Variants in CNN1 observed in about 807,000 individuals in gnomAD.
CNN1 encodes calponin-1.
A neutral mutation model predicts 35.3 loss-of-function variants in CNN1; 21 were observed. The observed-to-expected ratio is 0.60, with a 90% CI of 0.42 to 0.86. CNN1 has a LOEUF of 0.86. Among genes scored for constraint, CNN1 ranks in the 40% least tolerant of loss-of-function variants. CNN1 has a pLI of 0.00. For synonymous variants in CNN1, 164 were observed against 161.8 expected (o/e 1.01, Z -0.10); for missense variants, 314 against 400.8 (o/e 0.78, Z 1.85).
intron 1 of CNN1, chr19:11,539,886 C>CCAGAGCCGCG (rs1422754695): frequency 2.0e-5 from 23 of 1,162,588 alleles, no homozygotes; most frequent in East Asian, 8.2e-5. Context: ...AGCGCCGGCC[C>CCAGAGCCGCG]CAGAGCCGCG....
chr19:11,543,017 GA>G (rs1211755402), intron 2 of CNN1, among the ~76,000 whole-genome samples: 1 of 152,190 alleles, frequency 6.6e-6, no homozygotes, highest in Non-Finnish European at 1.5e-5. Flanking sequence ...ATGCTGGGAA[GA>G]AGGGGTGTGG....
chr19:11,543,953 C>T (rs561189659), intron 2 of CNN1, among the ~76,000 whole-genome samples: 8 of 151,380 alleles, frequency 5.3e-5, no homozygotes, highest in African/African-American at 9.7e-5. Flanking sequence ...CCACGCACTC[C>T]GGTCATTCAC....
In CNN1 at chr19:11,549,516, C is replaced by T. The variant is rs1972668590; in HGVS notation, c.649-34C>T. ...ACGCCGTCAAGGCCCAGGACCCTGG[C>T]CACCCCACGGCCTGACCACACCACC... On this transcript the variant is annotated intron_variant, in intron 6 of 6. Coordinates refer to ENST00000252456, the MANE Select transcript of CNN1 (RefSeq NM_001299.6). This position sits in a 1 kb window ranked among gnomAD's most constrained non-coding sequence, Gnocchi z 5.2. 1.2e-6 allele frequency: 2 copies of T among 1,606,190 alleles called. No individual in the cohort carries two copies. Among genetic ancestry groups the T allele is most frequent in the East Asian group, 4.5e-5 (2 of 44,690 alleles).
At chr19:11,543,950 C>T (rs572300235) in intron 2 of CNN1, among the ~76,000 whole-genome samples, 3 of 151,718 alleles carry the variant, frequency 2.0e-5, no homozygotes, top group South Asian at 2.1e-4. Flanking sequence ...CACCCACGCA[C>T]TCCGGTCATT....
In CNN1 at chr19:11,547,939, T is replaced by C. The variant is rs370643038; in HGVS notation, c.501+32T>C. ...CCCTGTCCTCACTGCGCAGAGGTCA[T>C]AGAGGCCAGGAGGGCACCCTGATGT... On this transcript the variant is annotated intron_variant, in intron 5 of 6. Transcript: ENST00000252456. The C allele has an allele frequency of 5.7e-6, 9 of 1,582,094 alleles. No individual in the cohort carries two copies. The Admixed American group carries it at 1.0e-4, about 18-fold the overall frequency.
rs755937649 is a variant in CNN1 at position 11,549,662 on chromosome 19, C to T, written c.761C>T (p.Ser254Leu). 3.1e-6 allele frequency: 5 copies of T among 1,613,746 alleles called. No individual in the cohort carries two copies. Among genetic ancestry groups the T allele is most frequent in the Admixed American group, 1.7e-5 (1 of 59,976 alleles). The change falls in exon 7 of 7, where the codon TCG (serine) becomes TTG (leucine). Residue 254 changes from serine to leucine, a missense_variant. Transcript: ENST00000252456. This position sits in a 1 kb window ranked among gnomAD's most constrained non-coding sequence, Gnocchi z 5.2. Reference sequence around the variant, plus strand: ...CAGATGGGCAGCAACAAGGGCGCCTCGCAGCGGGGCATGACGGTGTATGGG... The same window carrying T: ...CAGATGGGCAGCAACAAGGGCGCCTTGCAGCGGGGCATGACGGTGTATGGG... ...SLQMGSNKGA[S>L]QRGMTVYGLP... is the part of the protein sequence containing the mutation.
chr19:11,543,914 G>T (rs1193470471), intron 2 of CNN1, among the ~76,000 whole-genome samples: 1 of 142,014 alleles, frequency 7.0e-6, no homozygotes. Flanking sequence ...TAAAGTATAA[G>T]AAAAAAAAAA....
At chr19:11,539,650 C>A in intron 1 of CNN1, 1 of 698,638 alleles carries the variant, frequency 1.4e-6, no homozygotes, top group South Asian at 1.4e-5. Context: ...TTTAAGTTTC[C>A]AGCCCACTGG....
chr19:11,543,305 G>A (rs1196096693), intron 2 of CNN1, among the ~76,000 whole-genome samples: 4 of 149,872 alleles, frequency 2.7e-5, no homozygotes, highest in Admixed American at 1.3e-4. Flanking sequence ...AGCTATGATC[G>A]CGCCACTGCA....
Position 11,541,148 on chromosome 19 carries a change from A to G in CNN1, c.136A>G (p.Ile46Val), listed in dbSNP as rs762457668. The change falls in exon 2 of 7, where the codon ATC becomes GTC. Residue 46 changes from isoleucine (I) to valine (V), a missense_variant. Ile to Val is a conservative substitution (Grantham distance 29). Transcript: ENST00000252456. ...GATCGAGGGGGTGACAGGCCGTCGC[A>G]TCGGCAACAACTTCATGGACGGCCT... ...EWIEGVTGRR[I>V]GNNFMDGLKD... is the part of the protein sequence containing the mutation. 5.6e-6 allele frequency: 9 copies of G among 1,607,574 alleles called. No individual in the cohort carries two copies. In the Admixed American group the frequency reaches 1.0e-4, roughly 18 times the overall value.
chr19:11,547,406 AAC>A (rs1972613809), intron 4 of CNN1, among the ~76,000 whole-genome samples: 2 of 150,100 alleles, frequency 1.3e-5, no homozygotes, highest in Non-Finnish European at 3.0e-5. Context: ...AAAAAAAAAA[AAC>A]AAAAAACAAA....
chr19:11,545,735 G>A (rs1044972629), intron 2 of CNN1, among the ~76,000 whole-genome samples: 4 of 148,718 alleles, frequency 2.7e-5, no homozygotes, highest in South Asian at 4.2e-4. Flanking sequence ...CAGGAGGATC[G>A]CTTGAGCCCA....
In CNN1 at chr19:11,549,480, GC is replaced by G; in HGVS notation, c.648+16del. On this transcript the variant is annotated intron_variant, in intron 6 of 6. Transcript: ENST00000252456. The surrounding 1 kb of genome is among the most constrained non-coding windows in gnomAD (Gnocchi z 5.2). The stretch of plus-strand genomic sequence containing the variant: ...AAAGGAGCCAGCCAGGTGAGTGGGG[GC>G]CCCCGGGACACGCCGTCAAGGCCCA... The G allele has an allele frequency of 6.2e-7, 1 of 1,613,088 alleles. No homozygotes were observed. The highest frequency in any genetic ancestry group is 8.5e-7 in the Non-Finnish European group (1 of 1,179,428).
Position 11,547,823 on chromosome 19 carries a change from C to T in CNN1, c.417C>T (p.Asn139=), listed in dbSNP as rs746360577. The part of the protein sequence containing the change: ...SMAKTKGNKV[N]VGVKYAEKQE... ...CGAAGACGAAAGGAAACAAGGTGAA[C>T]GTGGGAGTGAAGTACGCAGAGAAGC... Residue 139 remains asparagine (N), a synonymous_variant, in exon 5 of 7, where the codon AAC becomes AAT. Transcript: ENST00000252456. 9.3e-6 allele frequency: 15 copies of T among 1,613,840 alleles called. No homozygotes were observed. The highest frequency in any genetic ancestry group is 1.7e-4 in the Middle Eastern group (1 of 6,060).
chr19:11,549,705 C>T lies in CNN1; in HGVS notation c.804C>T (p.Tyr268=), dbSNP rs376859144. 4.3e-6 allele frequency: 7 copies of T among 1,614,116 alleles called. No individual in the cohort carries two copies. The highest frequency in any genetic ancestry group is 4.2e-6 in the Non-Finnish European group (5 of 1,180,040). Residue 268 remains tyrosine (Y), a synonymous_variant, in exon 7 of 7, where the codon TAC becomes TAT. Transcript: ENST00000252456. The surrounding 1 kb of genome is among the most constrained non-coding windows in gnomAD (Gnocchi z 5.2). ...MTVYGLPRQV[Y]DPKYCLTPEY... Reference sequence around the variant, plus strand: ...TGTATGGGCTGCCACGCCAGGTCTACGACCCCAAGTACTGTCTGACTCCCG... The same window carrying T: ...TGTATGGGCTGCCACGCCAGGTCTATGACCCCAAGTACTGTCTGACTCCCG...
intron 1 of CNN1, chr19:11,539,242 C>G (rs1432932529): frequency 1.6e-6 from 2 of 1,252,942 alleles, no homozygotes; most frequent in Non-Finnish European, 2.0e-6. Flanking sequence ...GCAAAGATAC[C>G]CACCTGATCA....
At chr19:11,540,609 C>CA (rs1972439889) in intron 1 of CNN1, 1 of 155,154 alleles carries the variant, frequency 6.4e-6, no homozygotes, top group Admixed American at 6.5e-5. Context: ...CACGGAGAGA[C>CA]AGAGATGTAT....
chr19:11,539,289 A>C, intron 1 of CNN1: 1 of 1,172,778 alleles, frequency 8.5e-7, no homozygotes, highest in Non-Finnish European at 1.1e-6. Context: ...GGGGGGAACA[A>C]CATAGGGGGA....
chr19:11,547,745 T>C, intron 4 of CNN1, 52 bp from the exon 5 acceptor site: 1 of 1,446,734 alleles, frequency 6.9e-7, no homozygotes, highest in Non-Finnish European at 9.6e-7. Flanking sequence ...CCAAGGGGAC[T>C]GTGCAGCCTG....
Sources: gnomAD v4.1 joint callset for allele counts (sites outside exome capture counted in the v4.1 genomes callset) on GRCh38, gnomAD v4.1.1 for gene constraint, Gnocchi (gnomAD v3.1) non-coding constraint, MANE v1.5 for transcripts, NCBI Gene and HGNC (gene_info 2026-07-23, HGNC 2026-07-21) for gene names.